The following STAG3 variants were observed in gnomAD, a reference collection of about 807,000 sequenced individuals.
STAG3 encodes the protein STAG3 cohesin complex component, also known as cohesin subunit SA-3.
In STAG3, 101 loss-of-function variants were observed where a neutral mutation model predicts 160.7. The observed-to-expected ratio is 0.63, with a 90% confidence interval of 0.54 to 0.74. STAG3 has a LOEUF of 0.74. STAG3 is among the 30% of genes least tolerant of loss of function. The pLI is 0.00. For missense variants in STAG3, 1,188 were observed against 1,517.4 expected (o/e 0.78, Z 3.61); for synonymous variants, 519 against 585.0 (o/e 0.89, Z 1.63).
Position 100,189,599 on chromosome 7 carries a change from G to A in STAG3, c.867+3G>A. ...GCCTGTTGGAGAAACGCAAAGAGGTGAGGAGTGTTCCCTGCTTCTTCCTTC... is the reference window on the plus strand; with the variant it reads ...GCCTGTTGGAGAAACGCAAAGAGGTAAGGAGTGTTCCCTGCTTCTTCCTTC... On this transcript the variant is annotated splice_donor_region_variant and intron_variant, in intron 8 of 33. Coordinates refer to ENST00000615138, the MANE Select transcript of STAG3 (RefSeq NM_001282717.2). 6.2e-7 allele frequency: 1 copy of A among 1,610,762 alleles called. No homozygotes were observed. Among genetic ancestry groups the A allele is most frequent in the Non-Finnish European group, 8.5e-7 (1 of 1,178,924 alleles).
At chr7:100,204,884 G>T in intron 27 of STAG3, 109 bp downstream of exon 27, 1 of 1,580,746 alleles carries the variant, frequency 6.3e-7, no homozygotes, top group East Asian at 2.2e-5. Context: ...TCAGGTTAGG[G>T]GTGGGTATGC....
intron 4 of STAG3, among the ~76,000 whole-genome samples, chr7:100,183,978 T>C (rs1242834098): frequency 2.6e-5 from 4 of 152,288 alleles, no homozygotes; most frequent in Non-Finnish European, 5.9e-5. Flanking sequence ...TTGAAATTTA[T>C]GTAGGGGCCG....
chr7:100,201,495 A>C lies in STAG3; in HGVS notation c.2220+144A>C, dbSNP rs527600787. On this transcript the variant is annotated intron_variant, in intron 21 of 33. Coordinates refer to ENST00000615138, the MANE Select transcript of STAG3 (RefSeq NM_001282717.2). ...ATCAGGTGGGTGGGGGTCACCTCTTACATTCCTCTCTTAGAAGGTGGACTC... is the reference window on the plus strand; with the variant it reads ...ATCAGGTGGGTGGGGGTCACCTCTTCCATTCCTCTCTTAGAAGGTGGACTC... The C allele has an allele frequency of 4.3e-5, 30 of 698,004 alleles. 1 individual carries two copies. In the Admixed American group the frequency reaches 7.0e-4, roughly 16 times the overall value. The allele number at this position is 698,004 out of a possible 1,614,324, so 43.2% of individuals were successfully genotyped here. A position where few individuals can be genotyped will look rare whatever the true frequency, so the allele number is the denominator to read the frequency against.
chr7:100,214,251 C>T lies in STAG3; in HGVS notation c.*236C>T. On this transcript the variant is annotated 3_prime_UTR_variant, in exon 34 of 34. Coordinates refer to ENST00000615138, the MANE Select transcript of STAG3 (RefSeq NM_001282717.2). ...CCAGTCCCCTTGCCTTTTTCCTGTT[C>T]TGTTTGGAGTGGAGAAGGGCAGCAC... 2 of 578,668 alleles carry T rather than the reference C, an allele frequency of 3.5e-6. No homozygotes were observed. The highest frequency in any genetic ancestry group is 6.1e-6 in the Non-Finnish European group (2 of 327,324). The allele number at this position is 578,668 out of a possible 1,614,324, so 35.8% of individuals were successfully genotyped here.
chr7:100,197,343 C>A, intron 10 of STAG3, 64 bp downstream of exon 10: 3 of 1,594,332 alleles, frequency 1.9e-6, no homozygotes, highest in Non-Finnish European at 2.6e-6. Flanking sequence ...GGACATTTCA[C>A]CTTTTCCTGG....
At chr7:100,180,247 A>C (rs1799555222) in intron 1 of STAG3, among the ~76,000 whole-genome samples, 1 of 151,424 alleles carries the variant, frequency 6.6e-6, no homozygotes, top group Non-Finnish European at 1.5e-5. Context: ...TTTTTTAGAA[A>C]TGGGGTCTTG....
intron 29 of STAG3, among the ~76,000 whole-genome samples, chr7:100,209,109 T>C (rs1801930847): frequency 6.6e-6 from 1 of 152,154 alleles, no homozygotes; most frequent in South Asian, 2.1e-4. Flanking sequence ...AGTTCATATT[T>C]AGAGGTTAAC....
In STAG3 at chr7:100,198,968, C is replaced by T; in HGVS notation, c.1467+11C>T. 2 of 1,609,576 alleles carry T rather than the reference C, an allele frequency of 1.2e-6. No homozygotes were observed. Among genetic ancestry groups the T allele is most frequent in the Non-Finnish European group, 1.7e-6 (2 of 1,177,982 alleles). The stretch of plus-strand genomic sequence containing the variant: ...TTTGTGGAGAGCGAGGTGACATACA[C>T]AGAGAGAAGTCTGGCTGTTGTGCAT... On this transcript the variant is annotated intron_variant, in intron 14 of 33. Transcript: ENST00000615138.
At position 100,204,096 on chromosome 7, in the gene STAG3, C is replaced by G. The variant is rs764841861; in HGVS notation, c.2776C>G (p.Arg926Gly). ...GCAGATTGACCGAAGTCATTGTTCC[C>G]GAATCCTGCTGCTGAGCCTCAAGCA... Reference protein sequence around the residue: ...ARQIDRSHCSRILLLSLKQLY... With the variant: ...ARQIDRSHCSGILLLSLKQLY... The change falls in exon 26 of 34, where the codon CGA becomes GGA. Residue 926 changes from arginine to glycine, a missense_variant. By Grantham distance (125) the Arg-to-Gly change is moderately radical. Transcript: ENST00000615138. 2.5e-6 allele frequency: 4 copies of G among 1,614,032 alleles called. No individual in the cohort carries two copies. Among genetic ancestry groups the G allele is most frequent in the Non-Finnish European group, 3.4e-6 (4 of 1,180,012 alleles).
chr7:100,212,217 G>A, intron 32 of STAG3: 1 of 198,890 alleles, frequency 5.0e-6, no homozygotes, highest in Non-Finnish European at 1.0e-5. Flanking sequence ...AGCCCCTTCA[G>A]TGTCTCTCCC....
chr7:100,205,598 G>A lies in STAG3; in HGVS notation c.3238+214G>A, dbSNP rs551861596. On this transcript the variant is annotated intron_variant, in intron 29 of 33. Transcript: ENST00000615138. ...TGCAATCCCAGCACTTTGGGAGGCC[G>A]AGGCAGGCGGCTCACGAGGTCAGGT... Among the ~76,000 whole-genome samples the A allele has an allele frequency of 9.2e-5, 14 of 152,232 alleles. No homozygotes were observed. The South Asian group carries it at 2.3e-3, about 25-fold the overall frequency.
intron 29 of STAG3, among the ~76,000 whole-genome samples, chr7:100,206,268 A>G (rs1173525432): frequency 2.0e-5 from 3 of 152,050 alleles, no homozygotes; most frequent in Admixed American, 6.6e-5. Flanking sequence ...TGCCTGCCTC[A>G]GCCTCCCAAA....
chr7:100,181,976 T>C (rs1013767019), intron 2 of STAG3, 114 bp from the exon 3 acceptor site: 1 of 632,944 alleles, frequency 1.6e-6, no homozygotes, highest in Non-Finnish European at 2.8e-6. Flanking sequence ...AATCTGGATA[T>C]GTTTTTCTCA....
Position 100,213,788 on chromosome 7 carries a change from T to G in STAG3, c.3654T>G (p.Ser1218=), listed in dbSNP as rs1485788817. 5.6e-6 allele frequency: 9 copies of G among 1,614,234 alleles called. No homozygotes were observed. The highest frequency in any genetic ancestry group is 6.8e-6 in the Non-Finnish European group (8 of 1,180,044). Residue 1218 remains serine, a synonymous_variant, in exon 33 of 34, where the codon TCT becomes TCG. Transcript: ENST00000615138. Reference sequence around the variant, plus strand: ...AGCGCGGGCTGGACCTCTTAGATTCTACAGAGCTGGATATTGAGGTGAGTG... The same window carrying G: ...AGCGCGGGCTGGACCTCTTAGATTCGACAGAGCTGGATATTGAGGTGAGTG... ...TSERGLDLLD[S]TELDIEDF
chr7:100,212,252 C>T (rs1162616401), intron 32 of STAG3: 3 of 185,736 alleles, frequency 1.6e-5, no homozygotes, highest in Non-Finnish European at 3.4e-5. Flanking sequence ...CCCTATCCTC[C>T]ATCTCCCTAC....
intron 2 of STAG3, chr7:100,181,670 G>A (rs910451699): frequency 3.3e-5 from 5 of 153,652 alleles, no homozygotes; most frequent in South Asian, 2.0e-4. Context: ...TGTCCCGGCC[G>A]GGTGTGGTGG....
At chr7:100,184,263 C>T (rs948688261) in intron 4 of STAG3, among the ~76,000 whole-genome samples, 1 of 148,568 alleles carries the variant, frequency 6.7e-6, no homozygotes, top group Non-Finnish European at 1.5e-5. Context: ...GAGACTCTGT[C>T]TCAAAAAAAA....
chr7:100,202,079 T>A (rs761447868), intron 23 of STAG3, 38 bp downstream of exon 23: 1 of 1,612,094 alleles, frequency 6.2e-7, no homozygotes, highest in Non-Finnish European at 8.5e-7. Flanking sequence ...AAGGCGAGTA[T>A]CCCTGCCCCC....
rs190278133 is a variant in STAG3, at chr7:100,180,948, C to T, written c.116+276C>T. ...AGGCTGGAGTGCAGTGGCGCGATCT[C>T]GGCTTACTGCAACCTCCGCCTCCTG... On this transcript the variant is annotated intron_variant, in intron 2 of 33. Coordinates refer to ENST00000615138, the MANE Select transcript of STAG3 (RefSeq NM_001282717.2). The T allele has an allele frequency of 1.1e-4, 30 of 265,650 alleles. No homozygotes were observed. The East Asian group carries it at 2.8e-3, about 25-fold the overall frequency. The allele number at this position is 265,650 out of a possible 1,614,324, so 16.5% of individuals were successfully genotyped here.
Sources: gnomAD v4.1 joint callset for allele counts (sites outside exome capture counted in the v4.1 genomes callset) on GRCh38, gnomAD v4.1.1 for gene constraint, MANE v1.5 for transcripts, NCBI Gene and HGNC (gene_info 2026-07-23, HGNC 2026-07-21) for gene names.